The following RBFOX3 variants were observed in gnomAD, a reference collection of about 807,000 sequenced individuals.
The protein encoded by RBFOX3 is RNA binding protein fox-1 homolog 3.
In RBFOX3, 17 loss-of-function variants were observed where a neutral mutation model predicts 48.7. The observed-to-expected ratio is 0.35, with a 90% confidence interval of 0.24 to 0.52. The LOEUF (loss-of-function observed/expected upper bound fraction) is 0.52. Ranked by LOEUF, RBFOX3 falls within the 20% of genes least tolerant of loss-of-function variation. The pLI is 0.94. For synonymous variants in RBFOX3, 212 were observed against 209.5 expected (o/e 1.01, Z -0.10); for missense variants, 382 against 497.5 (o/e 0.77, Z 2.21).
In RBFOX3 at chr17:79,477,024, G is replaced by A. The variant is rs1325411739; in HGVS notation, c.-175+5430C>T. Among the ~76,000 whole-genome samples, 5 of 151,962 alleles carry A rather than the reference G, an allele frequency of 3.3e-5. No homozygotes were observed. Among genetic ancestry groups the A allele is most frequent in the Non-Finnish European group, 7.4e-5 (5 of 68,006 alleles). Reference sequence around the variant, plus strand: ...TAGGTGGGTGGATCACTTGAGGTCAGGAGTTCGAGACCAGCCTGGCCAACA... The same window carrying A: ...TAGGTGGGTGGATCACTTGAGGTCAAGAGTTCGAGACCAGCCTGGCCAACA... On this transcript the variant is annotated intron_variant, in intron 2 of 14. Coordinates refer to ENST00000693108, the MANE Select transcript of RBFOX3 (RefSeq NM_001350451.2). The surrounding 1 kb of genome is among the most constrained non-coding windows in gnomAD (Gnocchi z 4.8).
At chr17:79,408,722 T>C (rs932663823) in intron 2 of RBFOX3, among the ~76,000 whole-genome samples, 2 of 152,292 alleles carry the variant, frequency 1.3e-5, no homozygotes, top group African/African-American at 4.8e-5. Context: ...TGAATAATAA[T>C]AATAACCAGA....
chr17:79,511,348 T>G (rs948666012), intron 1 of RBFOX3, among the ~76,000 whole-genome samples: 1 of 152,202 alleles, frequency 6.6e-6, no homozygotes, highest in Non-Finnish European at 1.5e-5. Context: ...TACCCCCTTT[T>G]CAGTGCCTAA....
chr17:79,568,858 G>A (rs2092562472), intron 1 of RBFOX3, among the ~76,000 whole-genome samples: 2 of 152,084 alleles, frequency 1.3e-5, no homozygotes, highest in East Asian at 1.9e-4. Flanking sequence ...GACCTGCTCC[G>A]TGGAAAGCAC....
At chr17:79,500,862 C>A (rs1268660599) in intron 1 of RBFOX3, among the ~76,000 whole-genome samples, 1 of 152,164 alleles carries the variant, frequency 6.6e-6, no homozygotes, top group Non-Finnish European at 1.5e-5. Flanking sequence ...GATGCAGACA[C>A]CCGTGCTAGG....
chr17:79,643,861 G>T, the RBFOX3 span, among the ~76,000 whole-genome samples: 1 of 151,332 alleles, frequency 6.6e-6, no homozygotes, highest in Non-Finnish European at 1.5e-5. Flanking sequence ...AATGAACTAA[G>T]CTTCTACCTT....
At chr17:79,200,804 C>T (rs979445085) in intron 4 of RBFOX3, among the ~76,000 whole-genome samples, 1 of 152,086 alleles carries the variant, frequency 6.6e-6, no homozygotes, top group African/African-American at 2.4e-5. Context: ...GACCCCTGGT[C>T]CCCCCTACCT....
intron 2 of RBFOX3, among the ~76,000 whole-genome samples, chr17:79,395,706 C>T (rs113550805): frequency 1.9e-4 from 29 of 152,340 alleles, no homozygotes; most frequent in South Asian, 6.2e-4. Flanking sequence ...CAGAGGAGGA[C>T]GCTGAAGCAC....
chr17:79,092,721 G>A lies in RBFOX3; in HGVS notation c.1077+1730C>T, dbSNP rs1026003733. On this transcript the variant is annotated intron_variant, in intron 14 of 14. Coordinates refer to ENST00000693108, the MANE Select transcript of RBFOX3 (RefSeq NM_001350451.2). ...AAAAAGCAAAAAGAAAAAAAAAAAGGAAAAACAAAAAGAGAAATAGCCAAG... is the reference window on the plus strand; with the variant it reads ...AAAAAGCAAAAAGAAAAAAAAAAAGAAAAAACAAAAAGAGAAATAGCCAAG... 5.4e-6 allele frequency: 4 copies of A among 744,822 alleles called. No homozygotes were observed. In the African/African-American group the frequency reaches 5.7e-5, roughly 11 times the overall value. The allele number at this position is 744,822 out of a possible 1,614,324, so 46.1% of individuals were successfully genotyped here. A position where few individuals can be genotyped will look rare whatever the true frequency, so the allele number is the denominator to read the frequency against.
At chr17:79,516,206 C>G (rs1191615470) in intron 1 of RBFOX3, 2 of 152,208 alleles carry the variant, frequency 1.3e-5, no homozygotes, top group African/African-American at 2.4e-5. Flanking sequence ...AAAAATGAAC[C>G]ATTTCCATTG....
At chr17:79,091,827 A>T in intron 14 of RBFOX3, 1 of 480,292 alleles carries the variant, frequency 2.1e-6, no homozygotes, top group Non-Finnish European at 2.7e-6. Flanking sequence ...AGGAGCGACC[A>T]GGACGTGCCT....
chr17:79,562,699 G>A (rs937059112), intron 1 of RBFOX3, among the ~76,000 whole-genome samples: 3 of 152,226 alleles, frequency 2.0e-5, no homozygotes, highest in Non-Finnish European at 4.4e-5. Flanking sequence ...AGTCCATGGA[G>A]GGTGGGCCCC....
At chr17:79,113,239 C>G (rs1307252351) in intron 5 of RBFOX3, among the ~76,000 whole-genome samples, 1 of 152,086 alleles carries the variant, frequency 6.6e-6, no homozygotes, top group Non-Finnish European at 1.5e-5. Flanking sequence ...GAGGAAGGAG[C>G]TCCTGGAATC....
intron 1 of RBFOX3, among the ~76,000 whole-genome samples, chr17:79,511,928 C>G (rs1316902242): frequency 1.5e-4 from 21 of 144,680 alleles, no homozygotes; most frequent in Non-Finnish European, 9.2e-5. Flanking sequence ...CACCCGGATA[C>G]GTGTTACCAT....
chr17:79,092,691 AG>A (rs2074177167), intron 14 of RBFOX3: 1 of 880,336 alleles, frequency 1.1e-6, no homozygotes, highest in African/African-American at 1.9e-5. Flanking sequence ...CTTTTGGAAG[AG>A]GGGAAAAAGC....
Position 79,510,246 on chromosome 17 carries a change from G to A in RBFOX3, c.-319-27648C>T, listed in dbSNP as rs945794312. Among the ~76,000 whole-genome samples the A allele has an allele frequency of 4.8e-3, 727 of 152,174 alleles. 16 individuals are homozygous for A. Among genetic ancestry groups the A allele is most frequent in the Admixed American group, 0.043 (661 of 15,288 alleles). On this transcript the variant is annotated intron_variant, in intron 1 of 14. Coordinates refer to ENST00000693108, the MANE Select transcript of RBFOX3 (RefSeq NM_001350451.2). The stretch of plus-strand genomic sequence containing the variant: ...CATCGGCAACAAGTTCCATCCTCCC[G>A]GCCAGGCCCCGGGACTCTCGGCTCC...
At chr17:79,576,708 A>G (rs2092874340) in intron 1 of RBFOX3, among the ~76,000 whole-genome samples, 1 of 151,976 alleles carries the variant, frequency 6.6e-6, no homozygotes, top group African/African-American at 2.4e-5. Flanking sequence ...GATGATAGAG[A>G]AGATGGAGAT....
chr17:79,156,992 G>A (rs913809308), intron 4 of RBFOX3, among the ~76,000 whole-genome samples: 1 of 152,202 alleles, frequency 6.6e-6, no homozygotes, highest in Non-Finnish European at 1.5e-5. Flanking sequence ...ACACTGTCTG[G>A]TCTGCAGCCT....
chr17:79,374,378 G>A (rs960643485), intron 2 of RBFOX3, among the ~76,000 whole-genome samples: 1 of 152,230 alleles, frequency 6.6e-6, no homozygotes, highest in Non-Finnish European at 1.5e-5. Flanking sequence ...TCTGTGTCCA[G>A]GTAGAACAAG....
intron 3 of RBFOX3, among the ~76,000 whole-genome samples, chr17:79,297,639 T>C (rs2074612362): frequency 1.3e-5 from 2 of 152,246 alleles, no homozygotes; most frequent in Admixed American, 6.5e-5. Context: ...AGTGTGCCTT[T>C]CCCAGGGAGA....
Sources: gnomAD v4.1 joint callset for allele counts (sites outside exome capture counted in the v4.1 genomes callset) on GRCh38, gnomAD v4.1.1 for gene constraint, Gnocchi (gnomAD v3.1) non-coding constraint, MANE v1.5 for transcripts, NCBI Gene and HGNC (gene_info 2026-07-23, HGNC 2026-07-21) for gene names.